The following UNC13A variants were observed in gnomAD, a reference collection of about 807,000 sequenced individuals.
UNC13A encodes protein unc-13 homolog A.
UNC13A carries 61 observed loss-of-function variants against 219.7 expected under a neutral mutation model. That is an observed-to-expected ratio of 0.28 (90% CI 0.23 to 0.34). UNC13A has a LOEUF of 0.34. Among genes scored for constraint, UNC13A ranks in the 10% least tolerant of loss-of-function variants. The pLI, the probability that UNC13A is intolerant of heterozygous loss-of-function variation, is 1.00. For missense variants in UNC13A, 1,476 were observed against 2,270.3 expected, an observed-to-expected ratio of 0.65 and a Z score of 7.11; for synonymous variants, 920 against 884.6, an observed-to-expected ratio of 1.04 and a Z score of -0.71.
chr19:17,631,681 G>T (rs10221535), intron 28 of UNC13A, among the ~76,000 whole-genome samples: 1,537 of 152,304 alleles, frequency 0.01, 25 homozygotes, highest in African/African-American at 0.035. Context: ...TCTCGGGTCT[G>T]TCATGTACTG....
intron 34 of UNC13A, among the ~76,000 whole-genome samples, chr19:17,625,468 C>T (rs2076772615): frequency 6.6e-6 from 1 of 152,072 alleles, no homozygotes. Context: ...ACCAACTGAT[C>T]CAGTCACCCA....
chr19:17,631,848 G>A (rs1015635922), intron 28 of UNC13A, among the ~76,000 whole-genome samples: 12 of 152,122 alleles, frequency 7.9e-5, no homozygotes, highest in East Asian at 7.7e-4. Flanking sequence ...GAGTTCAAGC[G>A]ATCCTCCTGC....
chr19:17,620,899 G>C (rs1323743506), intron 37 of UNC13A, among the ~76,000 whole-genome samples, 177 bp from the exon 38 acceptor site: 1 of 151,972 alleles, frequency 6.6e-6, no homozygotes, highest in African/African-American at 2.4e-5. Context: ...TCCCCTAGCA[G>C]GGGTTTAGAG....
chr19:17,685,489 G>A (rs544884586), intron 1 of UNC13A, among the ~76,000 whole-genome samples: 21 of 152,206 alleles, frequency 1.4e-4, no homozygotes, highest in South Asian at 6.2e-4. Context: ...CTGAGCCACC[G>A]CGCTCGGCTG....
intron 4 of UNC13A, among the ~76,000 whole-genome samples, chr19:17,670,865 T>C (rs1388353127): frequency 2.7e-5 from 4 of 150,768 alleles, no homozygotes; most frequent in East Asian, 3.9e-4. Flanking sequence ...GATTGTGCCA[T>C]TGCACTCCAG....
At chr19:17,619,394 T>C (rs1348632748) in intron 38 of UNC13A, among the ~76,000 whole-genome samples, 2 of 151,894 alleles carry the variant, frequency 1.3e-5, no homozygotes, top group Non-Finnish European at 2.9e-5. Flanking sequence ...TGCAGGGAAA[T>C]TTCCCCTGTA....
chr19:17,618,970 TAA>T lies in UNC13A; in HGVS notation c.4273-10_4273-9del. The stretch of plus-strand genomic sequence containing the variant: ...GAAGATCATCTGGGTTCCCTGCAGG[TAA>T]CAACATACAGCTGGGTGAGGGCAGG... On this transcript the variant is annotated splice_polypyrimidine_tract_variant and intron_variant, in intron 38 of 43. Transcript: ENST00000519716. 1 of 1,613,758 alleles carries T rather than the reference TAA, an allele frequency of 6.2e-7. No homozygotes were observed.
Position 17,649,512 on chromosome 19 carries a change from G to C in UNC13A, c.1515C>G (p.Asp505Glu). Residue 505 changes from aspartate (D) to glutamate (E), a missense_variant, in exon 13 of 44, where the codon GAC becomes GAG. Physicochemically the swap from Asp to Glu is conservative, Grantham distance 45 (BLOSUM62 2). Coordinates refer to ENST00000519716, the MANE Select transcript of UNC13A (RefSeq NM_001080421.3). The surrounding 1 kb of genome is among the most constrained non-coding windows in gnomAD (Gnocchi z 4.4). Reference sequence around the variant, plus strand: ...AGTAAAGGGCGAGGGTGCTTACCAAGTCGCTCACGAGTGGGATAGGTTTCC... The same window carrying C: ...AGTAAAGGGCGAGGGTGCTTACCAACTCGCTCACGAGTGGGATAGGTTTCC... The part of the protein sequence containing the change: ...RKRKPIPLVS[D>E]LAMSLVQSRK... 6.2e-7 allele frequency: 1 copy of C among 1,613,968 alleles called. No homozygotes were observed. The highest frequency in any genetic ancestry group is 8.5e-7 in the Non-Finnish European group (1 of 1,179,880).
intron 6 of UNC13A, 143 bp downstream of exon 6, chr19:17,667,974 G>T: frequency 1.3e-6 from 1 of 783,972 alleles, no homozygotes; most frequent in Non-Finnish European, 2.0e-6. Context: ...CATGGGTCAT[G>T]GATGCAGTCA....
intron 7 of UNC13A, 77 bp from the exon 8 acceptor site, chr19:17,663,644 C>T: frequency 6.8e-7 from 1 of 1,467,988 alleles, no homozygotes; most frequent in Non-Finnish European, 9.3e-7. Context: ...CCCCTGCTGT[C>T]CTCACTCTCC....
chr19:17,656,282 T>C lies in UNC13A; in HGVS notation c.884A>G (p.Glu295Gly). ...GGAGTGGTAGGAGTCCCGGTCCCGC[T>C]CATCCTCCATGTCGGAGCCCTGCAG... ...HSLQGSDMED[E>G]RDRDSYHSCH... Residue 295 changes from glutamate (E) to glycine (G), a missense_variant, in exon 10 of 44, where the codon GAG becomes GGG. Around this residue, in one of 14 missense-constraint regions of UNC13A, gnomAD observed 351 missense variants for 342.6 expected, o/e 1.02. Coordinates refer to ENST00000519716, the MANE Select transcript of UNC13A (RefSeq NM_001080421.3). The C allele has an allele frequency of 6.4e-7, 1 of 1,552,380 alleles. No individual in the cohort carries two copies. Among genetic ancestry groups the C allele is most frequent in the Non-Finnish European group, 8.7e-7 (1 of 1,147,530 alleles).
At chr19:17,625,074 A>T (rs749231322) in intron 34 of UNC13A, 122 bp from the exon 35 acceptor site, 162 of 1,431,774 alleles carry the variant, frequency 1.1e-4, no homozygotes, top group Non-Finnish European at 8.6e-5. Flanking sequence ...CTGTACAGGG[A>T]CCCCTGGGTG....
At position 17,606,020 on chromosome 19, in the gene UNC13A, C is replaced by T. The variant is rs1451480098; in HGVS notation, c.*34G>A. ...GTCCCTCCCCGCCCAGCGCCCTCCG[C>T]GCAGGCGCAGTGCCGCTCGGCCGAC... On this transcript the variant is annotated 3_prime_UTR_variant, in exon 44 of 44. Coordinates refer to ENST00000519716, the MANE Select transcript of UNC13A (RefSeq NM_001080421.3). 6 of 1,410,678 alleles carry T rather than the reference C, an allele frequency of 4.3e-6. No individual in the cohort carries two copies. The highest frequency in any genetic ancestry group is 3.2e-5 in the South Asian group (2 of 63,312). The allele number at this position is 1,410,678 out of a possible 1,614,324, so 87.4% of individuals were successfully genotyped here. A position where few individuals can be genotyped will look rare whatever the true frequency, so the allele number is the denominator to read the frequency against.
intron 16 of UNC13A, among the ~76,000 whole-genome samples, chr19:17,648,197 C>G (rs1339681292): frequency 6.6e-6 from 1 of 151,364 alleles, no homozygotes; most frequent in Non-Finnish European, 1.5e-5. Context: ...TCTCTGACAC[C>G]CTCACAGCTT....
In UNC13A at chr19:17,639,218, C is replaced by T. The variant is rs765263511; in HGVS notation, c.2947-1G>A. On this transcript the variant is annotated splice_acceptor_variant, in intron 24 of 43. Coordinates refer to ENST00000519716, the MANE Select transcript of UNC13A (RefSeq NM_001080421.3). LOFTEE classifies it high-confidence loss of function. ...GGGGCGGGCTCTGGAGTTCTTGTAC[C>T]TGAAGGGAGGGAGAGAGGCATAGGC... 9.3e-6 allele frequency: 15 copies of T among 1,613,804 alleles called. No homozygotes were observed. Among genetic ancestry groups the T allele is most frequent in the Non-Finnish European group, 1.3e-5 (15 of 1,179,846 alleles).
intron 25 of UNC13A, among the ~76,000 whole-genome samples, chr19:17,637,418 C>A (rs2076923877): frequency 1.3e-5 from 2 of 152,068 alleles, no homozygotes; most frequent in African/African-American, 4.8e-5. Context: ...CTGCCTCAGC[C>A]TCCCAAGTAT....
At chr19:17,666,915 AC>A (rs1165724133) in intron 6 of UNC13A, among the ~76,000 whole-genome samples, 5 of 25,258 alleles carry the variant, frequency 2.0e-4, no homozygotes, top group Non-Finnish European at 3.7e-4. Flanking sequence ...AGAGAGAAAG[AC>A]AGAGACAGAG....
chr19:17,609,158 C>T lies in UNC13A; in HGVS notation c.4811+782G>A, dbSNP rs769220778. ...TTTTTTTTTGTATTTTTAGTAGAGA[C>T]GGGGTTTCACCATGTTGGCCAGGCT... is the stretch of plus-strand genomic sequence containing the variant. On this transcript the variant is annotated intron_variant, in intron 43 of 43. Coordinates refer to ENST00000519716, the MANE Select transcript of UNC13A (RefSeq NM_001080421.3). Among the ~76,000 whole-genome samples the T allele has an allele frequency of 1.9e-3, 242 of 126,118 alleles. 1 individual carries two copies. Among genetic ancestry groups the T allele is most frequent in the Non-Finnish European group, 3.0e-3 (179 of 59,866 alleles). 82.7% of individuals were successfully genotyped at this position (126,118 alleles called of 152,430 possible).
rs1300833529 is a variant in UNC13A at position 17,626,672 on chromosome 19, T to A, written c.4034A>T (p.Asp1345Val). The A allele has an allele frequency of 6.4e-7, 1 of 1,574,148 alleles. No homozygotes were observed. Among genetic ancestry groups the A allele is most frequent in the South Asian group, 1.2e-5 (1 of 85,972 alleles). The change falls in exon 34 of 44, where the codon GAC (aspartate) becomes GTC (valine). Residue 1345 changes from aspartate to valine, a missense_variant. Asp to Val is a radical substitution (Grantham distance 152, BLOSUM62 -3). Around this residue, in one of 14 missense-constraint regions of UNC13A, gnomAD observed 218 missense variants for 409.4 expected, o/e 0.53. Transcript: ENST00000519716. Reference sequence around the variant, plus strand: ...GTCCATGATGGGCTGCAACACATTGTCCGCGTCCTGGGCCACGCTGCTGCA... The same window carrying A: ...GTCCATGATGGGCTGCAACACATTGACCGCGTCCTGGGCCACGCTGCTGCA... ...SACSSVAQDA[D>V]NVLQPIMDLL... is the part of the protein sequence containing the mutation.
Sources: allele counts gnomAD v4.1 joint callset (sites outside exome capture counted in the v4.1 genomes callset), GRCh38; gene constraint gnomAD v4.1.1; regional missense constraint gnomAD v4.1.1; non-coding constraint Gnocchi (gnomAD v3.1); transcripts MANE v1.5; gene names NCBI Gene and HGNC (gene_info 2026-07-23, HGNC 2026-07-21).